Variants in PTPRD observed in about 807,000 individuals in gnomAD.
PTPRD encodes the protein protein tyrosine phosphatase receptor type D, also known as receptor-type tyrosine-protein phosphatase delta.
Under a neutral mutation model 214.5 loss-of-function variants are expected in PTPRD, and 34 were observed. The observed-to-expected ratio is 0.16, with a 90% CI of 0.12 to 0.21. PTPRD has a LOEUF of 0.21. PTPRD is among the 10% of genes least tolerant of loss of function. The pLI, the probability that PTPRD is intolerant of heterozygous loss-of-function variation, is 1.00. For synonymous variants in PTPRD, 1,128 were observed against 845.7 expected (o/e 1.33, Z -5.79); for missense variants, 2,545 against 2,398.7 (o/e 1.06, Z -1.27).
intron 2 of PTPRD, among the ~76,000 whole-genome samples, chr9:10,531,245 C>T (rs1016618460): frequency 7.9e-5 from 12 of 152,016 alleles, no homozygotes; most frequent in South Asian, 2.1e-4. Context: ...CCACTATGCC[C>T]GGCCAATGGA....
intron 12 of PTPRD, among the ~76,000 whole-genome samples, chr9:8,726,588 A>AAAAAAT (rs1565592985): frequency 3.1e-4 from 3 of 9,680 alleles, no homozygotes; most frequent in South Asian, 5.3e-3. Context: ...AAAAAAAAAA[A>AAAAAAT]ATATATATAT....
chr9:8,500,731 C>G (rs371724913), intron 24 of PTPRD, 23 bp downstream of exon 24: 7 of 1,610,900 alleles, frequency 4.3e-6, no homozygotes, highest in Non-Finnish European at 5.9e-6. Context: ...AGGGTGCAAA[C>G]TGACGTAGCG....
chr9:8,898,325 G>A, intron 11 of PTPRD, among the ~76,000 whole-genome samples: 1 of 152,050 alleles, frequency 6.6e-6, no homozygotes, highest in Non-Finnish European at 1.5e-5. Context: ...GAAGCAAAGA[G>A]TTGGGGATAG....
intron 14 of PTPRD, among the ~76,000 whole-genome samples, chr9:8,588,957 TA>T (rs1418452670): frequency 6.7e-4 from 102 of 152,290 alleles, no homozygotes; most frequent in African/African-American, 2.4e-3. Flanking sequence ...TTGTATTTAA[TA>T]AAAGTTATTC....
chr9:8,498,000 A>G (rs548231683), intron 25 of PTPRD, among the ~76,000 whole-genome samples: 1 of 152,326 alleles, frequency 6.6e-6, no homozygotes, highest in South Asian at 2.1e-4. Context: ...TTATACTACG[A>G]TAACTTTCTT....
chr9:8,449,633 A>G, intron 34 of PTPRD, 92 bp downstream of exon 34: 1 of 1,176,808 alleles, frequency 8.5e-7, no homozygotes, highest in Non-Finnish European at 1.2e-6. Flanking sequence ...AAATGGCTCA[A>G]AATAAAGTGA....
intron 7 of PTPRD, among the ~76,000 whole-genome samples, chr9:9,683,198 T>G (rs2097106657): frequency 6.6e-6 from 1 of 151,752 alleles, no homozygotes; most frequent in Non-Finnish European, 1.5e-5. Context: ...GACAGTTATA[T>G]TCAATGAGTT....
At chr9:9,528,610 G>C (rs1001552698) in intron 8 of PTPRD, among the ~76,000 whole-genome samples, 1 of 151,836 alleles carries the variant, frequency 6.6e-6, no homozygotes, top group South Asian at 2.1e-4. Context: ...CAGAACAAAG[G>C]ATAAAAAGAA....
At chr9:9,035,740 A>G (rs534418520) in intron 10 of PTPRD, among the ~76,000 whole-genome samples, 102 of 152,226 alleles carry the variant, frequency 6.7e-4, no homozygotes, top group African/African-American at 2.3e-3. Flanking sequence ...TTGCTTGGCT[A>G]TATAAAAGGG....
intron 3 of PTPRD, among the ~76,000 whole-genome samples, chr9:10,104,897 C>T (rs551189552): frequency 1.3e-5 from 2 of 151,940 alleles, no homozygotes; most frequent in South Asian, 4.1e-4. Flanking sequence ...GCTACATATT[C>T]CAGCTACTCT....
chr9:9,054,800 T>A (rs753936611), intron 10 of PTPRD, among the ~76,000 whole-genome samples: 3 of 152,178 alleles, frequency 2.0e-5, no homozygotes, highest in Non-Finnish European at 4.4e-5. Context: ...ATCACAGTCC[T>A]GTAGGTCAAG....
intron 39 of PTPRD, among the ~76,000 whole-genome samples, chr9:8,368,367 A>G (rs542986176): frequency 6.6e-6 from 1 of 152,278 alleles, no homozygotes; most frequent in East Asian, 1.9e-4. Context: ...GTAAACAGTC[A>G]CTTACAACAC....
chr9:8,816,556 T>A (rs10815960), intron 11 of PTPRD, among the ~76,000 whole-genome samples: 1 of 152,026 alleles, frequency 6.6e-6, no homozygotes, highest in African/African-American at 2.4e-5. Flanking sequence ...CATGTTGCCA[T>A]GGCAACCAAA....
intron 2 of PTPRD, among the ~76,000 whole-genome samples, chr9:10,585,860 C>G (rs1287175732): frequency 6.6e-6 from 1 of 151,878 alleles, no homozygotes; most frequent in East Asian, 1.9e-4. Flanking sequence ...CAAAAATAAC[C>G]TATTTTACAC....
chr9:9,351,668 C>T (rs2051209959), intron 9 of PTPRD, among the ~76,000 whole-genome samples: 1 of 151,974 alleles, frequency 6.6e-6, no homozygotes, highest in Non-Finnish European at 1.5e-5. Context: ...GACTGAAATA[C>T]TTATCTTCTC....
chr9:9,624,688 A>T (rs1427666369), intron 7 of PTPRD, among the ~76,000 whole-genome samples: 7 of 152,192 alleles, frequency 4.6e-5, no homozygotes, highest in Non-Finnish European at 7.3e-5. Context: ...CAGTTTGCTT[A>T]CTTTCTCAAA....
intron 14 of PTPRD, among the ~76,000 whole-genome samples, chr9:8,609,221 C>CGATA (rs1169671052): frequency 6.6e-6 from 1 of 152,138 alleles, no homozygotes; most frequent in African/African-American, 2.4e-5. Context: ...TTAACTTTAT[C>CGATA]ATTTCACATA....
At chr9:9,753,764 A>T (rs2154469690) in intron 6 of PTPRD, among the ~76,000 whole-genome samples, 1 of 152,142 alleles carries the variant, frequency 6.6e-6, no homozygotes, top group East Asian at 1.9e-4. Context: ...TCTAAATTTT[A>T]AATTCAGAGG....
chr9:9,074,714 CT>C (rs1013682449), intron 10 of PTPRD, among the ~76,000 whole-genome samples: 14 of 151,042 alleles, frequency 9.3e-5, no homozygotes, highest in South Asian at 4.2e-4. Flanking sequence ...CAGATGATTA[CT>C]TTTTTTTTCT....
Sources: allele counts gnomAD v4.1 joint callset (sites outside exome capture counted in the v4.1 genomes callset), GRCh38; gene constraint gnomAD v4.1.1; transcripts MANE v1.5; gene names NCBI Gene and HGNC (gene_info 2026-07-23, HGNC 2026-07-21).